SCN1A: variants seen among roughly 807,000 people sequenced by gnomAD.
The protein encoded by SCN1A is sodium voltage-gated channel alpha subunit 1, also known as sodium channel protein type 1 subunit alpha.
In SCN1A, 13 loss-of-function variants were observed where a neutral mutation model predicts 193.7. The ratio of observed to expected loss-of-function variants is 0.07; its 90% CI spans 0.04 to 0.11. The LOEUF (loss-of-function observed/expected upper bound fraction) is 0.11. Ranked by LOEUF, SCN1A falls within the 10% of genes least tolerant of loss-of-function variation. The pLI is 1.00. For missense variants in SCN1A, 1,432 were observed against 2,451.1 expected (o/e 0.58, Z 8.78); for synonymous variants, 781 against 843.6 (o/e 0.93, Z 1.29).
intron 4 of SCN1A, among the ~76,000 whole-genome samples, chr2:166,073,099 A>G (rs1684624880): frequency 6.6e-6 from 1 of 151,812 alleles, no homozygotes; most frequent in South Asian, 2.1e-4. Flanking sequence ...CGGCCCCTCA[A>G]AGTGCTGGGA....
intron 2 of SCN1A, among the ~76,000 whole-genome samples, chr2:166,124,957 G>T (rs565536964): frequency 6.6e-6 from 1 of 152,262 alleles, no homozygotes; most frequent in Non-Finnish European, 1.5e-5. Flanking sequence ...ATATGTTTTT[G>T]ATAAATAAAA....
intron 2 of SCN1A, among the ~76,000 whole-genome samples, chr2:166,111,310 C>T (rs950416083): frequency 6.6e-6 from 1 of 151,970 alleles, no homozygotes; most frequent in African/African-American, 2.4e-5. Context: ...TCCTAGGGCC[C>T]TTAAGAAGTA....
chr2:166,103,449 T>TTAAA (rs56754104), intron 2 of SCN1A, among the ~76,000 whole-genome samples: 13,810 of 142,876 alleles, frequency 0.097, 914 homozygotes, highest in African/African-American at 0.18. Context: ...AGACTCTGTC[T>TTAAA]TAAATAAATA....
chr2:166,144,465 T>G (rs1310091465), intron 1 of SCN1A, among the ~76,000 whole-genome samples: 1 of 152,202 alleles, frequency 6.6e-6, no homozygotes, highest in Non-Finnish European at 1.5e-5. Flanking sequence ...ATAGAACACA[T>G]GTGACTATGA....
intron 14 of SCN1A, 41 bp downstream of exon 14, chr2:166,043,628 T>A (rs761281447): frequency 2.5e-6 from 4 of 1,568,738 alleles, no homozygotes; most frequent in African/African-American, 1.3e-5. Context: ...GGTGCAGCAA[T>A]AGTGAGCCAG....
intron 2 of SCN1A, among the ~76,000 whole-genome samples, chr2:166,080,218 A>G (rs933399999): frequency 1.9e-4 from 29 of 151,842 alleles, no homozygotes; most frequent in African/African-American, 6.3e-4. Context: ...ATGTCACTAG[A>G]TACGGGGTAG....
intron 24 of SCN1A, 37 bp downstream of exon 24, chr2:166,002,435 A>G: frequency 6.3e-7 from 1 of 1,580,126 alleles, no homozygotes; most frequent in South Asian, 1.1e-5. Context: ...ATTATTCCAA[A>G]CAATAAAAAT....
intron 7 of SCN1A, among the ~76,000 whole-genome samples, chr2:166,053,460 A>G (rs1698819082): frequency 6.6e-6 from 1 of 152,050 alleles, no homozygotes; most frequent in African/African-American, 2.4e-5. Context: ...TTAGGCATGA[A>G]AAGGCAGTTT....
At chr2:166,046,539 T>C (rs562129380) in intron 12 of SCN1A, among the ~76,000 whole-genome samples, 10 of 152,162 alleles carry the variant, frequency 6.6e-5, no homozygotes, top group Non-Finnish European at 1.3e-4. Context: ...TCCCTTTACT[T>C]TGAGAATCTT....
chr2:166,035,955 A>T, intron 19 of SCN1A, 93 bp downstream of exon 19: 1 of 1,335,282 alleles, frequency 7.5e-7, no homozygotes, highest in Non-Finnish European at 1.0e-6. Context: ...AAAAATCTTA[A>T]GTCAAAACAT....
At chr2:166,113,011 T>A (rs116158203) in intron 2 of SCN1A, among the ~76,000 whole-genome samples, 1,623 of 152,288 alleles carry the variant, frequency 0.011, 34 homozygotes, top group African/African-American at 0.037. Flanking sequence ...TGAGCTGTTG[T>A]AGCACATTAT....
intron 9 of SCN1A, among the ~76,000 whole-genome samples, chr2:166,050,884 A>T (rs1698483279): frequency 6.6e-6 from 1 of 151,576 alleles, no homozygotes; most frequent in African/African-American, 2.4e-5. Context: ...TTTAGGTATC[A>T]CTTTATTTCC....
chr2:166,076,714 G>C (rs1002237737), intron 3 of SCN1A, among the ~76,000 whole-genome samples: 1 of 152,018 alleles, frequency 6.6e-6, no homozygotes, highest in Middle Eastern at 3.4e-3. Context: ...GAATAGGATA[G>C]TGAGTGTGGA....
At chr2:165,996,492 A>T (rs1690081995) in intron 26 of SCN1A, among the ~76,000 whole-genome samples, 1 of 151,588 alleles carries the variant, frequency 6.6e-6, no homozygotes, top group South Asian at 2.1e-4. Flanking sequence ...TAATTTTCTT[A>T]TTTAAATGTA....
At chr2:166,034,525 G>C (rs1696077911) in intron 19 of SCN1A, among the ~76,000 whole-genome samples, 1 of 152,110 alleles carries the variant, frequency 6.6e-6, no homozygotes, top group South Asian at 2.1e-4. Flanking sequence ...TAAAAGATGG[G>C]CACCCTGCTG....
chr2:166,012,455 G>A (rs1328988761), intron 21 of SCN1A, among the ~76,000 whole-genome samples, 173 bp from the exon 22 acceptor site: 6 of 150,172 alleles, frequency 4.0e-5, no homozygotes, highest in Non-Finnish European at 8.9e-5. Flanking sequence ...ATTTAATCAG[G>A]GGAAAGACTA....
intron 2 of SCN1A, among the ~76,000 whole-genome samples, chr2:166,087,538 C>G (rs568910180): frequency 6.6e-6 from 1 of 152,260 alleles, no homozygotes; most frequent in South Asian, 2.1e-4. Context: ...GTCTCTACCC[C>G]ACACAGGCTG....
chr2:166,084,142 T>C (rs1685830568), intron 2 of SCN1A, among the ~76,000 whole-genome samples: 1 of 152,094 alleles, frequency 6.6e-6, no homozygotes, highest in Non-Finnish European at 1.5e-5. Flanking sequence ...AGAGAAAGCC[T>C]AATGGCCAGT....
chr2:165,986,664 C>G lies in SCN1A; in HGVS notation c.*4581G>C, dbSNP rs1353364338. The G allele has an allele frequency of 6.9e-6, 1 of 143,920 alleles. No individual in the cohort carries two copies. Among genetic ancestry groups the G allele is most frequent in the Non-Finnish European group, 1.5e-5 (1 of 66,552 alleles). The allele number at this position is 143,920 out of a possible 1,614,324, so 8.9% of individuals were successfully genotyped here. On this transcript the variant is annotated 3_prime_UTR_variant, in exon 29 of 29. Coordinates refer to ENST00000674923, the MANE Select transcript of SCN1A (RefSeq NM_001165963.4). ...GGCATACAAAATATGATAGTGTGAACACGCAGACATAGGCACTTCAGTAAC... is the reference window on the plus strand; with the variant it reads ...GGCATACAAAATATGATAGTGTGAAGACGCAGACATAGGCACTTCAGTAAC...
Sources: allele counts gnomAD v4.1 joint callset (sites outside exome capture counted in the v4.1 genomes callset), GRCh38; gene constraint gnomAD v4.1.1; transcripts MANE v1.5; gene names NCBI Gene and HGNC (gene_info 2026-07-23, HGNC 2026-07-21).